Variants in LARS2 observed in about 807,000 individuals in gnomAD.
LARS2 encodes leucyl-tRNA synthetase 2, mitochondrial, also known as leucine--tRNA ligase, mitochondrial.
In LARS2, 81 loss-of-function variants were observed where a neutral mutation model predicts 116.6. That is an observed-to-expected ratio of 0.69 (90% CI 0.58 to 0.84). The LOEUF (loss-of-function observed/expected upper bound fraction) is 0.84, where lower values mean the gene tolerates loss of function less well. Among genes scored for constraint, LARS2 ranks in the 40% least tolerant of loss-of-function variants. The pLI is 0.00. For missense variants in LARS2, 968 were observed against 1,114.5 expected (o/e 0.87, Z 1.87); for synonymous variants, 396 against 407.2 (o/e 0.97, Z 0.33).
chr3:45,399,380 T>C (rs1217135858), intron 3 of LARS2, among the ~76,000 whole-genome samples: 1 of 152,244 alleles, frequency 6.6e-6, no homozygotes, highest in Non-Finnish European at 1.5e-5. Context: ...TTGAATTATA[T>C]GGATATATGT....
At chr3:45,507,065 AT>A (rs1356350522) in intron 15 of LARS2, 2 of 152,050 alleles carry the variant, frequency 1.3e-5, no homozygotes, top group African/African-American at 2.4e-5. Context: ...ATTAATAAAC[AT>A]TTTATCACAC....
At chr3:45,394,353 C>G in intron 2 of LARS2, 80 bp from the exon 3 acceptor site, 1 of 753,788 alleles carries the variant, frequency 1.3e-6, no homozygotes, top group South Asian at 1.7e-5. Flanking sequence ...GGCCAGAACA[C>G]TGGACTGTGC....
At chr3:45,461,899 T>A (rs1028702124) in intron 8 of LARS2, among the ~76,000 whole-genome samples, 5 of 152,130 alleles carry the variant, frequency 3.3e-5, no homozygotes, top group African/African-American at 1.2e-4. Flanking sequence ...TGAGTAGAGA[T>A]ATGAAATAAT....
chr3:45,447,049 C>T (rs556499771), intron 7 of LARS2, 69 bp downstream of exon 7: 13 of 838,540 alleles, frequency 1.6e-5, no homozygotes, highest in Middle Eastern at 4.6e-4. Context: ...GTAGTAGCAG[C>T]GAAAATGAAC....
chr3:45,508,642 T>C (rs1408741727), intron 15 of LARS2, among the ~76,000 whole-genome samples: 1 of 151,948 alleles, frequency 6.6e-6, no homozygotes, highest in Non-Finnish European at 1.5e-5. Context: ...GGCAGCAGGC[T>C]CTCTGGGGCT....
rs777750200 is a variant in LARS2 at position 45,398,373 on chromosome 3, C to CAATATTTAAA, written c.235-1869_235-1860dup. Reference sequence around the variant, plus strand: ...ATCAGTCATGCGAACATTCAGCAAACAATATTTAAAAACCCCATCCCACAT... The same window carrying CAATATTTAAA: ...ATCAGTCATGCGAACATTCAGCAAACAATATTTAAAAATATTTAAAAACCCCATCCCACAT... On this transcript the variant is annotated intron_variant, in intron 3 of 21. Coordinates refer to ENST00000645846, the MANE Select transcript of LARS2 (RefSeq NM_015340.4). Among the ~76,000 whole-genome samples the CAATATTTAAA allele has an allele frequency of 1.2e-3, 182 of 152,236 alleles. 1 individual carries two copies. The highest frequency in any genetic ancestry group is 1.7e-3 in the Non-Finnish European group (118 of 68,000).
intron 20 of LARS2, 96 bp downstream of exon 20, chr3:45,524,204 A>G: frequency 1.3e-6 from 1 of 780,626 alleles, no homozygotes; most frequent in South Asian, 1.6e-5. Flanking sequence ...GTCCTCAGAT[A>G]TAGGGTCCAA....
At chr3:45,390,845 G>C (rs1016898434) in intron 1 of LARS2, among the ~76,000 whole-genome samples, 1 of 149,182 alleles carries the variant, frequency 6.7e-6, no homozygotes, top group African/African-American at 2.5e-5. Context: ...GTAGAGACGT[G>C]GTTTCACCGT....
chr3:45,532,370 C>T (rs1482464), intron 20 of LARS2, among the ~76,000 whole-genome samples: 134,426 of 152,224 alleles, frequency 0.88, 61,686 homozygotes, highest in East Asian at 1. Context: ...TTTAATTTTC[C>T]CTTTTGCCCT....
At chr3:45,489,583 T>TA (rs1699875691) in intron 12 of LARS2, among the ~76,000 whole-genome samples, 1 of 152,148 alleles carries the variant, frequency 6.6e-6, no homozygotes, top group Non-Finnish European at 1.5e-5. Context: ...CCTTGCCACT[T>TA]AATGTCTGGT....
intron 11 of LARS2, among the ~76,000 whole-genome samples, 187 bp downstream of exon 11, chr3:45,485,983 G>A (rs548778135): frequency 1.4e-5 from 2 of 142,766 alleles, no homozygotes; most frequent in Admixed American, 1.5e-4. Context: ...AAATATACTA[G>A]GTATATTGTA....
At chr3:45,478,310 T>C (rs1307070651) in intron 10 of LARS2, among the ~76,000 whole-genome samples, 2 of 152,210 alleles carry the variant, frequency 1.3e-5, no homozygotes, top group Non-Finnish European at 2.9e-5. Flanking sequence ...CTGAATAATA[T>C]CTAAAATTGA....
chr3:45,518,766 A>G (rs950852362), intron 18 of LARS2, among the ~76,000 whole-genome samples: 4 of 152,170 alleles, frequency 2.6e-5, no homozygotes, highest in Non-Finnish European at 2.9e-5. Context: ...TCAGACATAA[A>G]GTTAATCAGT....
At chr3:45,421,844 G>A (rs113355940) in intron 6 of LARS2, 2,146 of 152,336 alleles carry the variant, frequency 0.014, 27 homozygotes, top group Non-Finnish European at 0.022. Context: ...GTACAGTTGG[G>A]CAAAATCATC....
Position 45,491,616 on chromosome 3 carries a change from TGG to T in LARS2, c.1340_1341del (p.Trp447SerfsTer78). 1 of 1,614,206 alleles carries T rather than the reference TGG, an allele frequency of 6.2e-7. No homozygotes were observed. The highest frequency in any genetic ancestry group is 8.5e-7 in the Non-Finnish European group (1 of 1,180,034). ...CGTGACAAGTGATAAACTGAAAGACTGGCTGATTTCACGGCAGCGGTACTGGG... is the reference window on the plus strand; with the variant it reads ...CGTGACAAGTGATAAACTGAAAGACTCTGATTTCACGGCAGCGGTACTGGG... ...GDVTSDKLKDWLISRQRYWGT... is the reference protein window; with the variant it reads ...GDVTSDKLKDXLISRQRYWGT... On this transcript the variant is annotated frameshift_variant, in exon 13 of 22. Transcript: ENST00000645846. LOFTEE classifies it high-confidence loss of function.
At chr3:45,484,851 T>A (rs1406974521) in intron 10 of LARS2, among the ~76,000 whole-genome samples, 1 of 151,588 alleles carries the variant, frequency 6.6e-6, no homozygotes, top group Non-Finnish European at 1.5e-5. Flanking sequence ...TTCCTTTTTT[T>A]TTCATTTACT....
intron 8 of LARS2, among the ~76,000 whole-genome samples, chr3:45,468,297 T>C (rs1186853493): frequency 4.6e-5 from 7 of 152,192 alleles, no homozygotes; most frequent in African/African-American, 1.7e-4. Context: ...CTGGGATGGC[T>C]GTTACCATTT....
At chr3:45,419,228 C>G (rs1352108237) in intron 5 of LARS2, among the ~76,000 whole-genome samples, 1 of 152,208 alleles carries the variant, frequency 6.6e-6, no homozygotes, top group Non-Finnish European at 1.5e-5. Context: ...TTTTCATTAA[C>G]AAAGCAGTGT....
chr3:45,444,685 A>G (rs998651743), intron 6 of LARS2, among the ~76,000 whole-genome samples: 2 of 142,574 alleles, frequency 1.4e-5, no homozygotes, highest in African/African-American at 5.2e-5. Flanking sequence ...AAAAAAAAAA[A>G]CAATGCTGTT....
Sources: gnomAD v4.1 joint callset for allele counts (sites outside exome capture counted in the v4.1 genomes callset) on GRCh38, gnomAD v4.1.1 for gene constraint, MANE v1.5 for transcripts, NCBI Gene and HGNC (gene_info 2026-07-23, HGNC 2026-07-21) for gene names.